MVB12A: variants seen among roughly 807,000 people sequenced by gnomAD.
MVB12A encodes multivesicular body subunit 12A.
MVB12A carries 30 observed loss-of-function variants against 34.3 expected under a neutral mutation model. The ratio of observed to expected loss-of-function variants is 0.88; its 90% CI spans 0.65 to 1.19. The LOEUF is 1.19. MVB12A is among the 50% of genes most tolerant of loss of function. The pLI is 0.00. For missense variants in MVB12A, 355 were observed against 369.2 expected (o/e 0.96, Z 0.31); for synonymous variants, 158 against 158.9 (o/e 0.99, Z 0.04).
At chr19:17,409,687 G>A (rs1039464208) in intron 2 of MVB12A, among the ~76,000 whole-genome samples, 2 of 151,224 alleles carry the variant, frequency 1.3e-5, no homozygotes, top group Non-Finnish European at 2.9e-5. Flanking sequence ...CCGACCTCAG[G>A]TGATCTGCCC....
chr19:17,420,203 C>A lies in MVB12A; in HGVS notation c.68C>A (p.Pro23His). 1 of 1,470,878 alleles carries A rather than the reference C, an allele frequency of 6.8e-7. No homozygotes were observed. The highest frequency in any genetic ancestry group is 1.9e-4 in the Middle Eastern group (1 of 5,140). The allele number at this position is 1,470,878 out of a possible 1,614,324, so 91.1% of individuals were successfully genotyped here. A position where few individuals can be genotyped will look rare whatever the true frequency, so the allele number is the denominator to read the frequency against. ...AGLAWSSASA[P>H]PPRGFSAISC... ...CTGGCCTGGTCGTCGGCCTCTGCACCCCCGCCGCGGGGGTTCAGCGCGGTG... is the reference window on the plus strand; with the variant it reads ...CTGGCCTGGTCGTCGGCCTCTGCACACCCGCCGCGGGGGTTCAGCGCGGTG... Residue 23 changes from proline to histidine, a missense_variant, in exon 1 of 9, where the codon CCC (proline) becomes CAC (histidine). By Grantham distance (77) the Pro-to-His change is moderately conservative. Transcript: ENST00000317040.
intron 2 of MVB12A, among the ~76,000 whole-genome samples, chr19:17,410,500 A>ATATGTGTG (rs1456475854): frequency 2.7e-4 from 12 of 44,208 alleles, no homozygotes; most frequent in African/African-American, 9.4e-4. Context: ...TTAGCTTCAT[A>ATATGTGTG]TATATATATA....
chr19:17,413,550 A>T (rs191550738), intron 2 of MVB12A, among the ~76,000 whole-genome samples: 1 of 151,770 alleles, frequency 6.6e-6, no homozygotes, highest in South Asian at 2.1e-4. Flanking sequence ...CTGGTCTCCA[A>T]CTCCTGACCT....
upstream of MVB12A, chr19:17,419,425 AC>A (rs1340558773): frequency 7.2e-5 from 11 of 152,188 alleles, no homozygotes; most frequent in African/African-American, 2.7e-4. Context: ...ATTCTTTTAT[AC>A]GTCGCTTTTT....
At chr19:17,418,593 C>A (rs1013677012), upstream of MVB12A, among the ~76,000 whole-genome samples, 2 of 150,994 alleles carry the variant, frequency 1.3e-5, no homozygotes, top group African/African-American at 2.4e-5. Flanking sequence ...GGGGTTTCAC[C>A]ATGTTAGGCT....
At chr19:17,410,591 C>T (rs531189433) in intron 2 of MVB12A, among the ~76,000 whole-genome samples, 2 of 128,238 alleles carry the variant, frequency 1.6e-5, no homozygotes, top group African/African-American at 7.1e-5. Context: ...TATATATACA[C>T]ACATATATAT....
rs374622630 is a variant in MVB12A at position 17,424,961 on chromosome 19, G to A, written c.790G>A (p.Ala264Thr). ...YNYGFVVEKT[A>T]AARLPPSVS is the part of the protein sequence containing the mutation. ...CTACGGCTTCGTGGTGGAGAAGACC[G>A]CGGCTGCCCGCCTGCCCCCCAGCGT... Residue 264 changes from alanine (A) to threonine (T), a missense_variant, in exon 9 of 9, where the codon GCG becomes ACG. Ala to Thr is a moderately conservative substitution (Grantham distance 58). Transcript: ENST00000317040. The A allele has an allele frequency of 1.9e-6, 3 of 1,609,460 alleles. No individual in the cohort carries two copies. The highest frequency in any genetic ancestry group is 2.5e-6 in the Non-Finnish European group (3 of 1,177,866).
At chr19:17,424,456 C>A (rs187308560) in intron 7 of MVB12A, among the ~76,000 whole-genome samples, 165 bp from the exon 8 acceptor site, 72 of 151,620 alleles carry the variant, frequency 4.7e-4, no homozygotes, top group African/African-American at 1.6e-3. Context: ...GCTTTAGAGA[C>A]TTTGTCTCTA....
rs1292694028 is a variant in MVB12A at position 17,422,439 on chromosome 19, C to T, written c.394C>T (p.Pro132Ser). 1 of 1,612,770 alleles carries T rather than the reference C, an allele frequency of 6.2e-7. No individual in the cohort carries two copies. The highest frequency in any genetic ancestry group is 1.1e-5 in the South Asian group (1 of 90,914). Residue 132 changes from proline to serine, a missense_variant, in exon 4 of 9, where the codon CCT becomes TCT. Pro to Ser is a moderately conservative substitution (Grantham distance 74). Coordinates refer to ENST00000317040, the MANE Select transcript of MVB12A (RefSeq NM_138401.4). The part of the protein sequence containing the change: ...VRLSGKTKTV[P>S]GYLRIGDMGG... ...GCTGAGTGGGAAGACCAAGACAGTG[C>T]CTGGATACCTTCGAATAGGGTAGGG... is the stretch of plus-strand genomic sequence containing the variant.
At chr19:17,416,227 G>A (rs962548525), upstream of MVB12A, among the ~76,000 whole-genome samples, 2 of 78,986 alleles carry the variant, frequency 2.5e-5, no homozygotes, top group Middle Eastern at 7.6e-3. Flanking sequence ...GATTACAGGC[G>A]CATGCCACTG....
intron 3 of MVB12A, 109 bp downstream of exon 3, chr19:17,420,743 C>A: frequency 2.7e-6 from 2 of 736,786 alleles, no homozygotes; most frequent in Non-Finnish European, 4.7e-6. Context: ...CCCTGGCACA[C>A]GGGGTGATGA....
rs779101086 is a variant in MVB12A at position 17,423,971 on chromosome 19, A to G, written c.641-35A>G. The stretch of plus-strand genomic sequence containing the variant: ...CTGTGGGTGGGGTGGGCAGTTCCCT[A>G]CACCTCACCTCCTCCCCTCGCACGT... On this transcript the variant is annotated intron_variant, in intron 6 of 8. Transcript: ENST00000317040. 3.1e-6 allele frequency: 5 copies of G among 1,611,376 alleles called. No individual in the cohort carries two copies. In the South Asian group the frequency reaches 5.5e-5, roughly 18 times the overall value.
At chr19:17,424,821 A>G (rs2074860353) in intron 8 of MVB12A, 110 bp from the exon 9 acceptor site, 1 of 1,280,312 alleles carries the variant, frequency 7.8e-7, no homozygotes, top group East Asian at 2.3e-5. Flanking sequence ...TCTCCAGGGC[A>G]GAAGACCACT....
At chr19:17,409,378 G>T (rs1003922493) in intron 2 of MVB12A, among the ~76,000 whole-genome samples, 28 of 148,564 alleles carry the variant, frequency 1.9e-4, no homozygotes, top group Non-Finnish European at 4.4e-5. Flanking sequence ...GGATCCACCC[G>T]ACTTGGCCTC....
At chr19:17,410,521 T>TAC (rs1465432705) in intron 2 of MVB12A, among the ~76,000 whole-genome samples, 1 of 65,416 alleles carries the variant, frequency 1.5e-5, no homozygotes, top group African/African-American at 7.4e-5. Context: ...TATATATATA[T>TAC]ATATATATAC....
chr19:17,409,741 G>A (rs957326184), intron 2 of MVB12A, among the ~76,000 whole-genome samples: 3 of 151,658 alleles, frequency 2.0e-5, no homozygotes, highest in East Asian at 1.9e-4. Flanking sequence ...TTGAGCCACC[G>A]CACCCAGCCT....
upstream of MVB12A, chr19:17,417,213 C>CT (rs35583565): frequency 0.26 from 25,255 of 95,674 alleles, 7,686 homozygotes; most frequent in Non-Finnish European, 0.34. Context: ...TCACCCAGAG[C>CT]TTTTTTTTTT....
chr19:17,417,620 A>G (rs2145758021), upstream of MVB12A: 1 of 151,620 alleles, frequency 6.6e-6, no homozygotes, highest in Non-Finnish European at 1.5e-5. Context: ...AAATAAATAA[A>G]TAAATAAATA....
At chr19:17,419,873 G>C (rs531983030), upstream of MVB12A, 104 of 337,736 alleles carry the variant, frequency 3.1e-4, no homozygotes, top group Middle Eastern at 1.5e-3. Flanking sequence ...TGCTGGGCGC[G>C]GAAAGCCGGC....
Sources: gnomAD v4.1 joint callset for allele counts (sites outside exome capture counted in the v4.1 genomes callset) on GRCh38, gnomAD v4.1.1 for gene constraint, MANE v1.5 for transcripts, NCBI Gene and HGNC (gene_info 2026-07-23, HGNC 2026-07-21) for gene names.